Variants in NPEPPS observed in about 807,000 individuals in gnomAD.
NPEPPS encodes aminopeptidase puromycin sensitive.
A neutral mutation model predicts 115.5 loss-of-function variants in NPEPPS; 14 were observed. That is an observed-to-expected ratio of 0.12 (90% CI 0.08 to 0.19). The LOEUF (loss-of-function observed/expected upper bound fraction) is 0.19. Ranked by LOEUF, NPEPPS falls within the 10% of genes least tolerant of loss-of-function variation. The pLI is 1.00. For missense variants in NPEPPS, 523 were observed against 1,110.8 expected, an observed-to-expected ratio of 0.47 and a Z score of 7.52; for synonymous variants, 285 against 390.6, an observed-to-expected ratio of 0.73 and a Z score of 3.19.
intron 2 of NPEPPS, among the ~76,000 whole-genome samples, chr17:47,558,860 C>T (rs1192225363): frequency 3.9e-5 from 6 of 152,120 alleles, no homozygotes; most frequent in Admixed American, 3.9e-4. Context: ...TGGTGAAACC[C>T]TGTCTCTACT....
At chr17:47,531,924 G>C (rs967699195) in intron 1 of NPEPPS, among the ~76,000 whole-genome samples, 3 of 152,190 alleles carry the variant, frequency 2.0e-5, no homozygotes, top group African/African-American at 7.2e-5. Context: ...GCTGGAGGGT[G>C]TTGGGGGAGG....
At chr17:47,620,172 C>G (rs1370663458) in intron 22 of NPEPPS, 1 of 151,078 alleles carries the variant, frequency 6.6e-6, no homozygotes, top group African/African-American at 2.5e-5. Flanking sequence ...TGAGATCGTG[C>G]CATTGCACTC....
intron 2 of NPEPPS, among the ~76,000 whole-genome samples, chr17:47,554,947 C>G (rs1909900824): frequency 6.6e-6 from 1 of 152,150 alleles, no homozygotes; most frequent in South Asian, 2.1e-4. Flanking sequence ...CTATTCAGAA[C>G]AGTACAGTTT....
Position 47,621,915 on chromosome 17 carries a change from G to A in NPEPPS, c.2755G>A (p.Val919Met), listed in dbSNP as rs1193766333. The A allele has an allele frequency of 1.2e-6, 2 of 1,611,112 alleles. No individual in the cohort carries two copies. The highest frequency in any genetic ancestry group is 1.3e-5 in the African/African-American group (1 of 75,018). ...LLQRKASPPTV is the reference protein window; with the variant it reads ...LLQRKASPPTM ...TCAGCGGAAGGCCTCACCACCCACA[G>A]TGTGAATCCTGAGGTGCCGCCATTG... is the stretch of plus-strand genomic sequence containing the variant. Residue 919 changes from valine (V) to methionine (M), a missense_variant, in exon 23 of 23, where the codon GTG (valine) becomes ATG (methionine). Physicochemically the swap from Val to Met is conservative, Grantham distance 21. Transcript: ENST00000322157.
At chr17:47,573,585 C>G (rs182822919) in intron 3 of NPEPPS, among the ~76,000 whole-genome samples, 1 of 152,080 alleles carries the variant, frequency 6.6e-6, no homozygotes, top group African/African-American at 2.4e-5. Context: ...AGGCCATGGT[C>G]GTGGCTCATG....
At chr17:47,536,959 C>T (rs1003193006) in intron 1 of NPEPPS, among the ~76,000 whole-genome samples, 19 of 151,702 alleles carry the variant, frequency 1.3e-4, no homozygotes, top group African/African-American at 4.1e-4. Flanking sequence ...GTGATCCACC[C>T]GCCTTGGCCT....
At chr17:47,551,125 G>C (rs1378706073) in intron 2 of NPEPPS, among the ~76,000 whole-genome samples, 2 of 152,092 alleles carry the variant, frequency 1.3e-5, no homozygotes, top group Admixed American at 1.3e-4. Context: ...TTAAATACTA[G>C]TTCCAAAACC....
chr17:47,565,353 A>G (rs1394320464), intron 2 of NPEPPS, among the ~76,000 whole-genome samples: 2 of 151,990 alleles, frequency 1.3e-5, no homozygotes, highest in Non-Finnish European at 2.9e-5. Flanking sequence ...TACTAAAAAT[A>G]CAAAAATTAG....
At chr17:47,531,652 C>A in intron 1 of NPEPPS, 97 bp downstream of exon 1, 1 of 1,402,320 alleles carries the variant, frequency 7.1e-7, no homozygotes, top group Non-Finnish European at 9.2e-7. Flanking sequence ...GGCGGGCGGG[C>A]CTCGGGTCGG....
chr17:47,577,728 G>T (rs1198326664), intron 3 of NPEPPS, among the ~76,000 whole-genome samples: 1 of 152,106 alleles, frequency 6.6e-6, no homozygotes, highest in African/African-American at 2.4e-5. Flanking sequence ...TGGTGACTTT[G>T]CTCTAAAGGT....
At chr17:47,544,502 GTATTTATTTATTTATTTATTTATT>G (rs61518431) in intron 1 of NPEPPS, among the ~76,000 whole-genome samples, 7 of 141,552 alleles carry the variant, frequency 4.9e-5, no homozygotes, top group African/African-American at 7.9e-5. Flanking sequence ...GAAATTAAAC[GTATTTATTTATTTATTTATTTATT>G]TATTTATTTA....
intron 1 of NPEPPS, among the ~76,000 whole-genome samples, chr17:47,538,678 T>C (rs1908524035): frequency 6.6e-6 from 1 of 151,808 alleles, no homozygotes; most frequent in African/African-American, 2.4e-5. Context: ...TACAGGCACC[T>C]GCCATCATGC....
chr17:47,615,429 C>T (rs1477490873), intron 19 of NPEPPS, among the ~76,000 whole-genome samples: 1 of 152,098 alleles, frequency 6.6e-6, no homozygotes, highest in East Asian at 1.9e-4. Flanking sequence ...CGGTGGCATG[C>T]ACCTATATTT....
At chr17:47,539,662 T>C (rs527967732) in intron 1 of NPEPPS, among the ~76,000 whole-genome samples, 14 of 152,320 alleles carry the variant, frequency 9.2e-5, no homozygotes, top group South Asian at 6.2e-4. Flanking sequence ...TTTAAAACTT[T>C]AATTGCATAT....
At chr17:47,590,101 C>T (rs1912411069) in intron 9 of NPEPPS, among the ~76,000 whole-genome samples, 1 of 151,988 alleles carries the variant, frequency 6.6e-6, no homozygotes, top group Non-Finnish European at 1.5e-5. Context: ...CAGGCTGAGG[C>T]GGGAGGATTG....
chr17:47,614,162 A>G (rs899352368), intron 19 of NPEPPS, among the ~76,000 whole-genome samples: 1 of 151,168 alleles, frequency 6.6e-6, no homozygotes, highest in Admixed American at 6.6e-5. Context: ...TGTAGAGAGA[A>G]GGTTTCACCA....
At chr17:47,542,886 C>T (rs1908872969) in intron 1 of NPEPPS, among the ~76,000 whole-genome samples, 1 of 151,966 alleles carries the variant, frequency 6.6e-6, no homozygotes, top group Non-Finnish European at 1.5e-5. Context: ...CGTCTGTAAT[C>T]TCAGCACTTT....
At chr17:47,581,794 C>A (rs1184536505) in intron 4 of NPEPPS, 3 of 152,306 alleles carry the variant, frequency 2.0e-5, no homozygotes, top group African/African-American at 7.2e-5. Flanking sequence ...CTCCCAGGTT[C>A]GAGCCATTCT....
intron 1 of NPEPPS, among the ~76,000 whole-genome samples, chr17:47,538,189 A>G (rs186843421): frequency 6.3e-4 from 83 of 130,802 alleles, no homozygotes; most frequent in African/African-American, 2.2e-3. Context: ...CACCGCGCCT[A>G]GCCATATCTG....
Sources: gnomAD v4.1 joint callset for allele counts (sites outside exome capture counted in the v4.1 genomes callset) on GRCh38, gnomAD v4.1.1 for gene constraint, MANE v1.5 for transcripts, NCBI Gene and HGNC (gene_info 2026-07-23, HGNC 2026-07-21) for gene names.